AGO3: variants seen among roughly 807,000 people sequenced by gnomAD.
AGO3 encodes the protein protein argonaute-3.
AGO3 carries 16 observed loss-of-function variants against 105.5 expected under a neutral mutation model. The observed-to-expected ratio is 0.15, with a 90% CI of 0.10 to 0.23. The LOEUF is 0.23. Among genes scored for constraint, AGO3 ranks in the 10% least tolerant of loss-of-function variants. The pLI, the probability that AGO3 is intolerant of heterozygous loss-of-function variation, is 1.00. For synonymous variants in AGO3, 340 were observed against 367.3 expected, an observed-to-expected ratio of 0.93 and a Z score of 0.85; for missense variants, 534 against 1,088.0, an observed-to-expected ratio of 0.49 and a Z score of 7.16.
At chr1:35,981,759 T>C (rs1483238642) in intron 5 of AGO3, among the ~76,000 whole-genome samples, 1 of 152,208 alleles carries the variant, frequency 6.6e-6, no homozygotes. Context: ...ACACCTCCTT[T>C]CCTTACCTCC....
At position 35,943,852 on chromosome 1, in the gene AGO3, C is replaced by T. The variant is rs190554596; in HGVS notation, c.20-1840C>T. ...CTGAGCCCAAGCAGTCTGCCCACCT[C>T]GGCCTCCCAAAGTGCTGGGATTACA... On this transcript the variant is annotated intron_variant, in intron 1 of 18. Coordinates refer to ENST00000373191, the MANE Select transcript of AGO3 (RefSeq NM_024852.4). 4.0e-3 allele frequency among the ~76,000 whole-genome samples: 597 copies of T among 149,884 alleles called. 1 individual carries two copies. Among genetic ancestry groups the T allele is most frequent in the Non-Finnish European group, 7.1e-3 (481 of 67,380 alleles).
At chr1:35,967,703 C>T (rs1640727381) in intron 3 of AGO3, among the ~76,000 whole-genome samples, 1 of 152,162 alleles carries the variant, frequency 6.6e-6, no homozygotes, top group Non-Finnish European at 1.5e-5. Context: ...GGGAGTACCA[C>T]TGCACTCTGC....
In AGO3 at chr1:36,028,476, A is replaced by G. The variant is rs530214998; in HGVS notation, c.1591+1178A>G. Among the ~76,000 whole-genome samples, 1,026 of 138,290 alleles carry G rather than the reference A, an allele frequency of 7.4e-3. 10 individuals carry two copies. The highest frequency in any genetic ancestry group is 0.027 in the African/African-American group (975 of 36,748). The allele number at this position is 138,290 out of a possible 152,430, so 90.7% of individuals were successfully genotyped here. The stretch of plus-strand genomic sequence containing the variant: ...TGTTCTCATTGTTCAATTCCCACCT[A>G]TAAGTGAGAATATGCGGTGTTTGGT... On this transcript the variant is annotated intron_variant, in intron 12 of 18. Transcript: ENST00000373191.
chr1:35,990,214 A>T (rs756322621), intron 5 of AGO3, among the ~76,000 whole-genome samples: 3 of 152,130 alleles, frequency 2.0e-5, no homozygotes, highest in Middle Eastern at 3.2e-3. Context: ...ACATTAGTTA[A>T]ATTTATTTTT....
chr1:36,034,461 T>A, intron 13 of AGO3, 128 bp downstream of exon 13: 1 of 615,306 alleles, frequency 1.6e-6, no homozygotes, highest in Non-Finnish European at 2.3e-6. Context: ...GGGAGATTCG[T>A]AGACATTTTG....
In AGO3 at chr1:36,068,043, A is replaced by G. The variant is rs1643116569; in HGVS notation, c.*12298A>G. 6.6e-6 allele frequency: 1 copy of G among 152,184 alleles called. No homozygotes were observed. The highest frequency in any genetic ancestry group is 1.5e-5 in the Non-Finnish European group (1 of 68,030). The allele number at this position is 152,184 out of a possible 1,614,324, so 9.4% of individuals were successfully genotyped here. A position where few individuals can be genotyped will look rare whatever the true frequency, so the allele number is the denominator to read the frequency against. ...TACTTACTAGAGTGCCACCATTCTT[A>G]TTTGTAATACAATCAGTGTTTTATG... On this transcript the variant is annotated 3_prime_UTR_variant, in exon 19 of 19. Transcript: ENST00000373191.
intron 3 of AGO3, 70 bp downstream of exon 3, chr1:35,967,145 A>G (rs1035077544): frequency 8.9e-5 from 136 of 1,523,854 alleles, no homozygotes; most frequent in Non-Finnish European, 1.1e-4. Flanking sequence ...ATTTATTACC[A>G]TTTTTATTAC....
chr1:35,966,180 T>C (rs1266035858), intron 2 of AGO3, among the ~76,000 whole-genome samples: 2 of 152,200 alleles, frequency 1.3e-5, no homozygotes, highest in African/African-American at 4.8e-5. Flanking sequence ...TACATTCTCA[T>C]TGTAATATAT....
chr1:35,991,414 C>G (rs1647639202), intron 5 of AGO3, among the ~76,000 whole-genome samples: 1 of 151,928 alleles, frequency 6.6e-6, no homozygotes, highest in African/African-American at 2.4e-5. Flanking sequence ...GCGCAGCTGT[C>G]TTCTTGAGAT....
intron 5 of AGO3, among the ~76,000 whole-genome samples, chr1:35,996,533 G>T (rs563077369): frequency 6.6e-6 from 1 of 152,142 alleles, no homozygotes; most frequent in Non-Finnish European, 1.5e-5. Context: ...CACTTTGGGA[G>T]GCCGAGGCGG....
chr1:36,039,769 A>G lies in AGO3; in HGVS notation c.1843-21A>G, dbSNP rs374076552. On this transcript the variant is annotated intron_variant, in intron 14 of 18. Transcript: ENST00000373191. ...TTTATTTTTATTTATTTATTTATTT[A>G]TTTTACTTTTTCTAACCTAGGTTGT... The G allele has an allele frequency of 9.8e-6, 13 of 1,327,972 alleles. No homozygotes were observed. In the African/African-American group the frequency reaches 2.0e-4, roughly 20 times the overall value. The allele number at this position is 1,327,972 out of a possible 1,614,324, so 82.3% of individuals were successfully genotyped here.
At position 36,037,399 on chromosome 1, in the gene AGO3, T is replaced by C. The variant is rs1323542932; in HGVS notation, c.1842+1132T>C. 2.0e-5 allele frequency among the ~76,000 whole-genome samples: 3 copies of C among 152,060 alleles called. No homozygotes were observed. The East Asian group carries it at 5.8e-4, about 29-fold the overall frequency. On this transcript the variant is annotated intron_variant, in intron 14 of 18. Coordinates refer to ENST00000373191, the MANE Select transcript of AGO3 (RefSeq NM_024852.4). Reference sequence around the variant, plus strand: ...AGCCTGTCGTGGTGGTGGGTGCCTTTAATTCCAGCTATTCGGGAGGCTGAG... The same window carrying C: ...AGCCTGTCGTGGTGGTGGGTGCCTTCAATTCCAGCTATTCGGGAGGCTGAG...
chr1:35,960,486 A>G (rs184020283), intron 2 of AGO3, among the ~76,000 whole-genome samples: 58 of 152,182 alleles, frequency 3.8e-4, no homozygotes, highest in Non-Finnish European at 8.4e-4. Flanking sequence ...TCTCAAAAAA[A>G]AATTTTTTTT....
At chr1:36,034,061 T>A in intron 12 of AGO3, 113 bp from the exon 13 acceptor site, 1 of 1,066,952 alleles carries the variant, frequency 9.4e-7, no homozygotes, top group Non-Finnish European at 1.2e-6. Context: ...ATTTTTGGTA[T>A]CCTGTAATAC....
chr1:36,053,661 C>G (rs1454650832), intron 17 of AGO3, among the ~76,000 whole-genome samples: 1 of 151,992 alleles, frequency 6.6e-6, no homozygotes, highest in Non-Finnish European at 1.5e-5. Flanking sequence ...CTCACTGCAG[C>G]CTTGACTTCC....
chr1:35,980,350 A>G (rs1358710467), intron 5 of AGO3, among the ~76,000 whole-genome samples: 3 of 152,200 alleles, frequency 2.0e-5, no homozygotes, highest in African/African-American at 7.2e-5. Flanking sequence ...CTTTTCATAT[A>G]TTCTACTCTT....
rs185932292 is a variant in AGO3 at position 36,038,476 on chromosome 1, T to C, written c.1843-1314T>C. 9.7e-3 allele frequency among the ~76,000 whole-genome samples: 1,469 copies of C among 152,116 alleles called. 10 individuals are homozygous for C. The highest frequency in any genetic ancestry group is 0.026 in the African/African-American group (1,082 of 41,520). On this transcript the variant is annotated intron_variant, in intron 14 of 18. Transcript: ENST00000373191. ...TTCACTGTGTTAGCCAGGATGGTCTTGATCTCCTGACCTTGTGATTCGCCC... is the reference window on the plus strand; with the variant it reads ...TTCACTGTGTTAGCCAGGATGGTCTCGATCTCCTGACCTTGTGATTCGCCC...
chr1:36,044,716 A>G (rs981945896), intron 17 of AGO3, among the ~76,000 whole-genome samples: 1 of 152,230 alleles, frequency 6.6e-6, no homozygotes, highest in Non-Finnish European at 1.5e-5. Flanking sequence ...TGCGGGGATT[A>G]CAGGCTTGAG....
intron 2 of AGO3, among the ~76,000 whole-genome samples, chr1:35,956,978 T>C (rs1038367605): frequency 3.3e-5 from 5 of 151,924 alleles, no homozygotes; most frequent in African/African-American, 1.2e-4. Flanking sequence ...AGGAACAAAG[T>C]TTGATTACAG....
Sources: allele counts gnomAD v4.1 joint callset (sites outside exome capture counted in the v4.1 genomes callset), GRCh38; gene constraint gnomAD v4.1.1; transcripts MANE v1.5; gene names NCBI Gene and HGNC (gene_info 2026-07-23, HGNC 2026-07-21).